UBXN2B: variants seen among roughly 807,000 people sequenced by gnomAD.
UBXN2B encodes UBX domain protein 2B.
Under a neutral mutation model 37.5 loss-of-function variants are expected in UBXN2B, and 19 were observed. That is an observed-to-expected ratio of 0.51 (90% CI 0.35 to 0.74). UBXN2B has a LOEUF of 0.74. Among genes scored for constraint, UBXN2B ranks in the 30% least tolerant of loss-of-function variants. The pLI is 0.01. For synonymous variants in UBXN2B, 145 were observed against 143.8 expected (o/e 1.01, Z -0.06); for missense variants, 370 against 393.2 (o/e 0.94, Z 0.50).
intron 2 of UBXN2B, among the ~76,000 whole-genome samples, chr8:58,423,432 T>G (rs543464448): frequency 1.3e-3 from 202 of 151,232 alleles, no homozygotes; most frequent in East Asian, 4.1e-3. Flanking sequence ...GGGTTTTTTT[T>G]TTGTTGTTGT....
intron 4 of UBXN2B, among the ~76,000 whole-genome samples, chr8:58,433,482 A>C (rs1419847467): frequency 6.6e-6 from 1 of 152,072 alleles, no homozygotes; most frequent in Non-Finnish European, 1.5e-5. Context: ...TCATTTTCCA[A>C]ATGAATTTGC....
chr8:58,436,763 A>G (rs1808422057), intron 5 of UBXN2B, among the ~76,000 whole-genome samples: 1 of 152,140 alleles, frequency 6.6e-6, no homozygotes, highest in African/African-American at 2.4e-5. Context: ...TTGCTGTGTC[A>G]TACACCAGGT....
intron 2 of UBXN2B, among the ~76,000 whole-genome samples, chr8:58,419,495 CTCAGGATATAG>C (rs1165967160): frequency 1.3e-5 from 2 of 152,166 alleles, no homozygotes; most frequent in African/African-American, 4.8e-5. Context: ...CAGAAAGACC[CTCAGGATATAG>C]TCTGATGCCT....
intron 5 of UBXN2B, among the ~76,000 whole-genome samples, chr8:58,438,172 A>G (rs1477983890): frequency 1.3e-5 from 2 of 152,224 alleles, no homozygotes; most frequent in South Asian, 2.1e-4. Flanking sequence ...TGGCTTTCGC[A>G]TGGTGTTAAG....
At position 58,425,193 on chromosome 8, in the gene UBXN2B, A is replaced by C; in HGVS notation, c.189-5326A>C. On this transcript the variant is annotated intron_variant, in intron 2 of 7. Coordinates refer to ENST00000399598, the MANE Select transcript of UBXN2B (RefSeq NM_001077619.2). Reference sequence around the variant, plus strand: ...TAAGTTCTCTTAGCATATAGTTGTGAGCGGTGCTTTCTCTGATATTCCTAA... The same window carrying C: ...TAAGTTCTCTTAGCATATAGTTGTGCGCGGTGCTTTCTCTGATATTCCTAA... The C allele has an allele frequency of 6.5e-6, 6 of 922,540 alleles. No homozygotes were observed. The South Asian group carries it at 7.8e-5, about 12-fold the overall frequency. The allele number at this position is 922,540 out of a possible 1,614,324, so 57.1% of individuals were successfully genotyped here.
intron 2 of UBXN2B, among the ~76,000 whole-genome samples, chr8:58,421,322 T>TG (rs1807917962): frequency 6.6e-6 from 1 of 151,438 alleles, no homozygotes; most frequent in African/African-American, 2.4e-5. Context: ...GGCCACACAC[T>TG]AGACATGAAG....
At position 58,415,381 on chromosome 8, in the gene UBXN2B, T is replaced by A. The variant is rs1351486572; in HGVS notation, c.85-1469T>A. ...TAAAGAAATTTCAGGGAGGTAAAAT[T>A]TCTGAAAACTTTAGACCCTAGTCAT... On this transcript the variant is annotated intron_variant, in intron 1 of 7. Transcript: ENST00000399598. Among the ~76,000 whole-genome samples the A allele has an allele frequency of 2.6e-5, 4 of 152,146 alleles. No individual in the cohort carries two copies. The East Asian group carries it at 7.7e-4, about 29-fold the overall frequency.
intron 2 of UBXN2B, among the ~76,000 whole-genome samples, chr8:58,423,678 G>A (rs1193935659): frequency 4.6e-5 from 7 of 151,148 alleles, no homozygotes; most frequent in South Asian, 2.1e-4. Context: ...CTCATGATCC[G>A]CCAGCCTCGG....
intron 4 of UBXN2B, among the ~76,000 whole-genome samples, chr8:58,434,142 A>AG (rs1207168054): frequency 2.0e-5 from 3 of 152,182 alleles, no homozygotes; most frequent in African/African-American, 7.2e-5. Context: ...GTCCACCTGC[A>AG]GGACCTTTGG....
rs548139185 is a variant in UBXN2B, at chr8:58,426,276, G to A, written c.189-4243G>A. The A allele has an allele frequency of 6.5e-5, 33 of 507,978 alleles. No homozygotes were observed. In the East Asian group the frequency reaches 9.8e-4, roughly 15 times the overall value. The allele number at this position is 507,978 out of a possible 1,614,324, so 31.5% of individuals were successfully genotyped here. A position where few individuals can be genotyped will look rare whatever the true frequency, so the allele number is the denominator to read the frequency against. ...GGCTGGAGTGCAGTGGCATGATCTC[G>A]GCTCACTGTAAGCTCCGCCTGCTGG... is the stretch of plus-strand genomic sequence containing the variant. On this transcript the variant is annotated intron_variant, in intron 2 of 7. Transcript: ENST00000399598.
At chr8:58,418,046 G>A (rs1807829612) in intron 2 of UBXN2B, among the ~76,000 whole-genome samples, 1 of 152,014 alleles carries the variant, frequency 6.6e-6, no homozygotes, top group Admixed American at 6.5e-5. Context: ...TTCAAGACCA[G>A]CCTGGCCAAC....
At chr8:58,427,591 G>A (rs991729488) in intron 2 of UBXN2B, among the ~76,000 whole-genome samples, 3 of 152,240 alleles carry the variant, frequency 2.0e-5, no homozygotes, top group Admixed American at 6.5e-5. Flanking sequence ...TAGGGAGTAA[G>A]CCAGTGGGAA....
rs536320303 is a variant in UBXN2B, at chr8:58,440,654, A to G, written c.671+884A>G. Among the ~76,000 whole-genome samples the G allele has an allele frequency of 8.5e-5, 13 of 152,326 alleles. 1 individual carries two copies. The highest frequency in any genetic ancestry group is 2.4e-4 in the African/African-American group (10 of 41,572). The stretch of plus-strand genomic sequence containing the variant: ...GTGATATGGAATTGCCACATTGGCA[A>G]TGTTTCCAGTGTATTCTTTGGTGCA... On this transcript the variant is annotated intron_variant, in intron 6 of 7. Transcript: ENST00000399598.
intron 5 of UBXN2B, among the ~76,000 whole-genome samples, chr8:58,436,880 C>G (rs1026341211): frequency 6.6e-6 from 1 of 152,158 alleles, no homozygotes; most frequent in Admixed American, 6.5e-5. Flanking sequence ...CCAAAATAAA[C>G]CTTTTTGCTT....
rs1232828311 is a variant in UBXN2B at position 58,449,899 on chromosome 8, T to G, written c.*2348T>G. The G allele has an allele frequency of 6.6e-6, 1 of 152,242 alleles. No homozygotes were observed. Among genetic ancestry groups the G allele is most frequent in the African/African-American group, 2.4e-5 (1 of 41,464 alleles). 9.4% of individuals were successfully genotyped at this position (152,242 alleles called of 1,614,324 possible). A position where few individuals can be genotyped will look rare whatever the true frequency, so the allele number is the denominator to read the frequency against. On this transcript the variant is annotated 3_prime_UTR_variant, in exon 8 of 8. Coordinates refer to ENST00000399598, the MANE Select transcript of UBXN2B (RefSeq NM_001077619.2). ...TGCTATAACGTTGTCAAGAAACTTG[T>G]GGGTCTTTTACATATGTCACAGGGA...
At chr8:58,417,554 A>G (rs1385348817) in intron 2 of UBXN2B, among the ~76,000 whole-genome samples, 1 of 152,228 alleles carries the variant, frequency 6.6e-6, no homozygotes. Flanking sequence ...GTGAAGACTT[A>G]AGAGATGAGA....
In UBXN2B at chr8:58,439,726, A is replaced by G. The variant is rs768617980; in HGVS notation, c.627A>G (p.Arg209=). The change falls in exon 6 of 8, where the codon AGA becomes AGG. Residue 209 remains arginine, a synonymous_variant. Coordinates refer to ENST00000399598, the MANE Select transcript of UBXN2B (RefSeq NM_001077619.2). ...AGGATCAAGAATACATAAAACCTAG[A>G]TTGAGGTTCAAGGCTTTTAGTGGAG... The part of the protein sequence containing the change: ...DHQDQEYIKP[R]LRFKAFSGEG... The G allele has an allele frequency of 4.4e-6, 7 of 1,608,620 alleles. No individual in the cohort carries two copies. The Admixed American group carries it at 6.7e-5, about 16-fold the overall frequency.
chr8:58,437,318 C>CTTTTTTTTT lies in UBXN2B; in HGVS notation c.534-2296_534-2288dup, dbSNP rs773987509. Among the ~76,000 whole-genome samples, 3 of 74,264 alleles carry CTTTTTTTTT rather than the reference C, an allele frequency of 4.0e-5. 1 individual carries two copies. Among genetic ancestry groups the CTTTTTTTTT allele is most frequent in the African/African-American group, 1.7e-4 (3 of 17,852 alleles). 48.7% of individuals were successfully genotyped at this position (74,264 alleles called of 152,430 possible). The stretch of plus-strand genomic sequence containing the variant: ...CTAGGGTACCTGGTGGAAGAAATTT[C>CTTTTTTTTT]TTTTTTTTTTTTTTTTTTTTTTTTT... On this transcript the variant is annotated intron_variant, in intron 5 of 7. Coordinates refer to ENST00000399598, the MANE Select transcript of UBXN2B (RefSeq NM_001077619.2).
At chr8:58,434,850 G>C (rs1284743415) in intron 5 of UBXN2B, 1 of 1,535,456 alleles carries the variant, frequency 6.5e-7, no homozygotes, top group Non-Finnish European at 8.7e-7. Context: ...CCTGCTTACT[G>C]TTGACAGGGT....
Sources: gnomAD v4.1 joint callset for allele counts (sites outside exome capture counted in the v4.1 genomes callset) on GRCh38, gnomAD v4.1.1 for gene constraint, MANE v1.5 for transcripts, NCBI Gene and HGNC (gene_info 2026-07-23, HGNC 2026-07-21) for gene names.